GALNT13: variants seen among roughly 807,000 people sequenced by gnomAD.
GALNT13 encodes the protein polypeptide N-acetylgalactosaminyltransferase 13.
Under a neutral mutation model 64.2 loss-of-function variants are expected in GALNT13, and 28 were observed. The ratio of observed to expected loss-of-function variants is 0.44; its 90% CI spans 0.32 to 0.60. GALNT13 has a LOEUF of 0.60. Ranked by LOEUF, GALNT13 falls within the 20% of genes least tolerant of loss-of-function variation. The pLI is 0.05. For synonymous variants in GALNT13, 214 were observed against 224.6 expected, an observed-to-expected ratio of 0.95 and a Z score of 0.42; for missense variants, 577 against 669.8, an observed-to-expected ratio of 0.86 and a Z score of 1.53.
At chr2:154,150,434 C>G (rs935761612) in intron 4 of GALNT13, among the ~76,000 whole-genome samples, 7 of 152,262 alleles carry the variant, frequency 4.6e-5, no homozygotes, top group Admixed American at 3.3e-4. Context: ...CAGGATGATG[C>G]TGGCCTCATA....
At chr2:153,107,026 A>C in the GALNT13 span, among the ~76,000 whole-genome samples, 1 of 152,136 alleles carries the variant, frequency 6.6e-6, no homozygotes, top group African/African-American at 2.4e-5. Context: ...CAAAAATAAA[A>C]CCCCTGCTCC....
At chr2:154,045,982 C>T (rs543747078) in intron 3 of GALNT13, among the ~76,000 whole-genome samples, 150 of 150,554 alleles carry the variant, frequency 1.0e-3, no homozygotes, top group African/African-American at 3.3e-3. Flanking sequence ...ATTTTTTTTC[C>T]GATCTAGTGG....
intron 3 of GALNT13, among the ~76,000 whole-genome samples, chr2:154,014,447 C>G (rs1696858133): frequency 6.6e-6 from 1 of 151,816 alleles, no homozygotes. Context: ...CAGATTCCTC[C>G]CGCTTCAGTC....
At chr2:153,286,685 A>G in the GALNT13 span, among the ~76,000 whole-genome samples, 1 of 152,234 alleles carries the variant, frequency 6.6e-6, no homozygotes, top group Non-Finnish European at 1.5e-5. Flanking sequence ...AAAGCTTCAA[A>G]AATCGTGTTA....
the GALNT13 span, among the ~76,000 whole-genome samples, chr2:153,199,531 A>G: frequency 6.6e-6 from 1 of 152,110 alleles, no homozygotes. Context: ...TGTTGTTTTG[A>G]GCAAATAAAA....
chr2:153,127,829 A>G, the GALNT13 span, among the ~76,000 whole-genome samples: 1 of 152,172 alleles, frequency 6.6e-6, no homozygotes, highest in Non-Finnish European at 1.5e-5. Flanking sequence ...GTAGTCTAAG[A>G]TATTTCCACC....
intron 1 of GALNT13, among the ~76,000 whole-genome samples, chr2:153,886,178 GA>G (rs199790267): frequency 0.2 from 25,783 of 130,860 alleles, 2,509 homozygotes; most frequent in East Asian, 0.28. Context: ...ATTCTGAACT[GA>G]AAAAAAAAAA....
the GALNT13 span, among the ~76,000 whole-genome samples, chr2:153,835,894 T>G: frequency 6.6e-6 from 1 of 152,058 alleles, no homozygotes; most frequent in Non-Finnish European, 1.5e-5. Flanking sequence ...GAATATCAGA[T>G]TACTCTTCTC....
chr2:153,920,090 C>T (rs929994825), intron 2 of GALNT13, among the ~76,000 whole-genome samples: 30 of 150,240 alleles, frequency 2.0e-4, no homozygotes, highest in Non-Finnish European at 3.5e-4. Flanking sequence ...CTTCTATATT[C>T]CTGGTTCTTT....
the GALNT13 span, among the ~76,000 whole-genome samples, chr2:153,855,953 TAAAG>T: frequency 1.3e-5 from 2 of 152,304 alleles, no homozygotes; most frequent in Middle Eastern, 3.4e-3. Context: ...AACATTATAT[TAAAG>T]AAATCTCACA....
At chr2:154,094,731 A>G (rs1173667121) in intron 3 of GALNT13, among the ~76,000 whole-genome samples, 2 of 151,946 alleles carry the variant, frequency 1.3e-5, no homozygotes, top group East Asian at 1.9e-4. Context: ...TATTCATTTA[A>G]CACATTCTCT....
At chr2:153,797,339 A>G in the GALNT13 span, among the ~76,000 whole-genome samples, 2 of 152,246 alleles carry the variant, frequency 1.3e-5, no homozygotes, top group African/African-American at 2.4e-5. Flanking sequence ...ATGGTTAGAA[A>G]GAATGACTTG....
At chr2:153,381,451 C>T in the GALNT13 span, among the ~76,000 whole-genome samples, 430 of 151,976 alleles carry the variant, frequency 2.8e-3, 18 homozygotes, top group East Asian at 0.076. Flanking sequence ...TAAACGATGT[C>T]ATTAACCAGA....
chr2:153,864,025 T>A, the GALNT13 span, among the ~76,000 whole-genome samples: 1 of 152,222 alleles, frequency 6.6e-6, no homozygotes, highest in African/African-American at 2.4e-5. Flanking sequence ...GCCAATACTT[T>A]TCCACATTGT....
chr2:154,149,152 C>G (rs534790236), intron 4 of GALNT13, among the ~76,000 whole-genome samples: 1 of 152,246 alleles, frequency 6.6e-6, no homozygotes, highest in South Asian at 2.1e-4. Context: ...ATATGGCTAG[C>G]CAGTTTTCCC....
chr2:153,643,116 ATAAG>A, the GALNT13 span, among the ~76,000 whole-genome samples: 5 of 151,372 alleles, frequency 3.3e-5, no homozygotes, highest in Non-Finnish European at 5.9e-5. Flanking sequence ...TTTGAAAAAT[ATAAG>A]TAAATGCAAA....
At chr2:154,405,584 T>TAA (rs71398312) in intron 10 of GALNT13, among the ~76,000 whole-genome samples, 7,252 of 133,902 alleles carry the variant, frequency 0.054, 260 homozygotes, top group African/African-American at 0.084. Flanking sequence ...CCATCTCTTC[T>TAA]AAAAAAAAAA....
chr2:154,064,908 G>T (rs539984624), intron 3 of GALNT13, among the ~76,000 whole-genome samples: 2 of 151,998 alleles, frequency 1.3e-5, no homozygotes, highest in Admixed American at 1.3e-4. Flanking sequence ...CTGCACTGGG[G>T]TGAAACACCA....
the GALNT13 span, among the ~76,000 whole-genome samples, chr2:153,707,028 G>A: frequency 1.9e-3 from 290 of 152,210 alleles, 2 homozygotes; most frequent in African/African-American, 6.4e-3. Context: ...AGATCTGATG[G>A]TTTTAGAAAG....
Sources: allele counts gnomAD v4.1 joint callset (sites outside exome capture counted in the v4.1 genomes callset), GRCh38; gene constraint gnomAD v4.1.1; transcripts MANE v1.5; gene names NCBI Gene and HGNC (gene_info 2026-07-23, HGNC 2026-07-21).